BAIAP2L1: variants seen among roughly 807,000 people sequenced by gnomAD.
BAIAP2L1 encodes the protein BAR/IMD domain containing adaptor protein 2 like 1.
In BAIAP2L1, 35 loss-of-function variants were observed where a neutral mutation model predicts 66.3. The observed-to-expected ratio is 0.53, with a 90% confidence interval of 0.40 to 0.70. BAIAP2L1 has a LOEUF of 0.70. BAIAP2L1 is among the 30% of genes least tolerant of loss of function. BAIAP2L1 has a pLI of 0.00. For synonymous variants in BAIAP2L1, 269 were observed against 248.7 expected, an observed-to-expected ratio of 1.08 and a Z score of -0.77; for missense variants, 622 against 656.9, an observed-to-expected ratio of 0.95 and a Z score of 0.58.
chr7:98,378,923 C>T (rs919922099), intron 1 of BAIAP2L1, among the ~76,000 whole-genome samples: 6 of 152,022 alleles, frequency 3.9e-5, no homozygotes, highest in East Asian at 3.9e-4. Flanking sequence ...CTCCGCCTCC[C>T]GGTTCAAGCA....
intron 3 of BAIAP2L1, among the ~76,000 whole-genome samples, chr7:98,340,964 T>G (rs910494722): frequency 1.3e-5 from 2 of 150,430 alleles, no homozygotes; most frequent in African/African-American, 4.9e-5. Flanking sequence ...AATTGGTTTT[T>G]TTTTTTTTTT....
At chr7:98,305,452 G>A (rs945755620) in intron 11 of BAIAP2L1, among the ~76,000 whole-genome samples, 1 of 152,108 alleles carries the variant, frequency 6.6e-6, no homozygotes, top group Non-Finnish European at 1.5e-5. Flanking sequence ...CAGACCCTGG[G>A]GAATGCAACG....
chr7:98,356,264 G>C (rs1172073838), intron 2 of BAIAP2L1, among the ~76,000 whole-genome samples: 1 of 152,124 alleles, frequency 6.6e-6, no homozygotes, highest in Non-Finnish European at 1.5e-5. Flanking sequence ...ATCTAGGTTT[G>C]AGGGTATTGA....
intron 12 of BAIAP2L1, among the ~76,000 whole-genome samples, chr7:98,299,405 G>A (rs1463735084): frequency 2.0e-5 from 3 of 152,060 alleles, no homozygotes; most frequent in Non-Finnish European, 4.4e-5. Context: ...TGATCCTCCC[G>A]CCTCGGCCTC....
chr7:98,400,751 AC>A, intron 1 of BAIAP2L1, 50 bp downstream of exon 1: 3 of 1,540,336 alleles, frequency 1.9e-6, no homozygotes, highest in Non-Finnish European at 2.6e-6. Context: ...CCCCTTCTGA[AC>A]CCCGAGGTGG....
intron 2 of BAIAP2L1, among the ~76,000 whole-genome samples, chr7:98,357,076 G>A (rs1369370551): frequency 2.0e-5 from 2 of 99,848 alleles, no homozygotes; most frequent in Non-Finnish European, 1.8e-5. Context: ...TTTAAGAGTA[G>A]GGGTCTCACT....
chr7:98,321,245 C>T (rs1403040733), intron 3 of BAIAP2L1, among the ~76,000 whole-genome samples: 1 of 152,212 alleles, frequency 6.6e-6, no homozygotes, highest in African/African-American at 2.4e-5. Flanking sequence ...CAAATGATTA[C>T]TTCGGTCATC....
In BAIAP2L1 at chr7:98,293,223, A is replaced by C. The variant is rs1385054943; in HGVS notation, c.*298T>G. On this transcript the variant is annotated 3_prime_UTR_variant, in exon 14 of 14. Coordinates refer to ENST00000005260, the MANE Select transcript of BAIAP2L1 (RefSeq NM_018842.5). ...TTATTCTGGCTGTTATTAAGGAAAA[A>C]ATTCATTTAAAAAATACAGTAAAGA... 1 of 327,908 alleles carries C rather than the reference A, an allele frequency of 3.0e-6. No homozygotes were observed. The highest frequency in any genetic ancestry group is 4.6e-5 in the Admixed American group (1 of 21,706). The allele number at this position is 327,908 out of a possible 1,614,324, so 20.3% of individuals were successfully genotyped here. A position where few individuals can be genotyped will look rare whatever the true frequency, so the allele number is the denominator to read the frequency against.
In BAIAP2L1 at chr7:98,312,261, C is replaced by T; in HGVS notation, c.643G>A (p.Ala215Thr). 1 of 1,605,794 alleles carries T rather than the reference C, an allele frequency of 6.2e-7. No individual in the cohort carries two copies. Among genetic ancestry groups the T allele is most frequent in the Non-Finnish European group, 8.5e-7 (1 of 1,177,412 alleles). The stretch of plus-strand genomic sequence containing the variant: ...GGCAGCTTGGAATTCAGTAGTTCTG[C>T]AGACTGCAAAGCCAAAAGAAGAAGA... The part of the protein sequence containing the change: ...NHIHYYHLQS[A>T]ELLNSKLPRW... Residue 215 changes from alanine (A) to threonine (T), a missense_variant, in exon 8 of 14, where the codon GCA (alanine) becomes ACA (threonine). By Grantham distance (58) the Ala-to-Thr change is moderately conservative (BLOSUM62 0). Coordinates refer to ENST00000005260, the MANE Select transcript of BAIAP2L1 (RefSeq NM_018842.5).
At chr7:98,368,365 G>A (rs905365495) in intron 1 of BAIAP2L1, among the ~76,000 whole-genome samples, 1 of 152,206 alleles carries the variant, frequency 6.6e-6, no homozygotes, top group Non-Finnish European at 1.5e-5. Flanking sequence ...GTTGCAGTGA[G>A]CTGAGACCGT....
chr7:98,370,961 T>C (rs1340701216), intron 1 of BAIAP2L1, among the ~76,000 whole-genome samples: 3 of 152,192 alleles, frequency 2.0e-5, no homozygotes, highest in Non-Finnish European at 4.4e-5. Flanking sequence ...GTGGACACAC[T>C]TGTGAATAGA....
chr7:98,384,800 G>T (rs1422967012), intron 1 of BAIAP2L1, among the ~76,000 whole-genome samples: 1 of 146,416 alleles, frequency 6.8e-6, no homozygotes, highest in Non-Finnish European at 1.5e-5. Flanking sequence ...CCAGGTTCAA[G>T]CGATTCTCCT....
intron 12 of BAIAP2L1, among the ~76,000 whole-genome samples, chr7:98,294,323 G>A (rs1043893939): frequency 2.6e-5 from 4 of 152,128 alleles, no homozygotes; most frequent in Non-Finnish European, 5.9e-5. Context: ...AGACCCGAAG[G>A]TAAAGACATC....
chr7:98,353,341 A>G (rs1802040702), intron 3 of BAIAP2L1, among the ~76,000 whole-genome samples: 1 of 138,850 alleles, frequency 7.2e-6, no homozygotes, highest in South Asian at 2.1e-4. Flanking sequence ...AAATATATAA[A>G]TATATTTATA....
At chr7:98,387,418 T>C (rs1464462121) in intron 1 of BAIAP2L1, among the ~76,000 whole-genome samples, 1 of 152,174 alleles carries the variant, frequency 6.6e-6, no homozygotes. Context: ...GCTCACAACA[T>C]GGCAGTTGTT....
intron 1 of BAIAP2L1, among the ~76,000 whole-genome samples, chr7:98,383,681 GGA>G (rs1427921365): frequency 1.3e-5 from 2 of 152,124 alleles, no homozygotes; most frequent in Non-Finnish European, 2.9e-5. Context: ...TGCATGTGTG[GGA>G]GAGACAGAGA....
intron 3 of BAIAP2L1, among the ~76,000 whole-genome samples, chr7:98,350,539 G>C (rs1336950713): frequency 6.6e-6 from 1 of 152,106 alleles, no homozygotes; most frequent in Non-Finnish European, 1.5e-5. Flanking sequence ...TGCACCTGTA[G>C]TCGCAGCTAC....
chr7:98,357,045 A>T (rs1328402843), intron 2 of BAIAP2L1, among the ~76,000 whole-genome samples: 1 of 15,650 alleles, frequency 6.4e-5, no homozygotes, highest in African/African-American at 2.2e-4. Flanking sequence ...ATATATATAT[A>T]TATATTTTTT....
At chr7:98,374,611 T>C (rs1331317069) in intron 1 of BAIAP2L1, among the ~76,000 whole-genome samples, 3 of 152,190 alleles carry the variant, frequency 2.0e-5, no homozygotes, top group Non-Finnish European at 2.9e-5. Context: ...TGAGTGATTG[T>C]AGGTGTCTCT....
Sources: allele counts gnomAD v4.1 joint callset (sites outside exome capture counted in the v4.1 genomes callset), GRCh38; gene constraint gnomAD v4.1.1; transcripts MANE v1.5; gene names NCBI Gene and HGNC (gene_info 2026-07-23, HGNC 2026-07-21).